Variants in DGKD observed in about 807,000 individuals in gnomAD.
The protein encoded by DGKD is diacylglycerol kinase delta, also known as DAG kinase delta.
In DGKD, 68 loss-of-function variants were observed where a neutral mutation model predicts 154.4. The ratio of observed to expected loss-of-function variants is 0.44; its 90% CI spans 0.36 to 0.54. The LOEUF is 0.54. Among genes scored for constraint, DGKD ranks in the 20% least tolerant of loss-of-function variants. The probability of loss-of-function intolerance (pLI) is 0.00; values close to 1 mark genes in which losing one functional copy is unlikely to be tolerated. For missense variants in DGKD, 1,343 were observed against 1,593.6 expected (o/e 0.84, Z 2.68); for synonymous variants, 693 against 638.0 (o/e 1.09, Z -1.30).
At position 233,388,244 on chromosome 2, in the gene DGKD, T is replaced by C; in HGVS notation, c.157-13T>C. 2 of 1,608,122 alleles carry C rather than the reference T, an allele frequency of 1.2e-6. No individual in the cohort carries two copies. The highest frequency in any genetic ancestry group is 1.3e-5 in the African/African-American group (1 of 74,638). ...GAAAACGCAAGTTTATGAATATGTT[T>C]CTGTACTTTCAGACCATCATCAAAG... On this transcript the variant is annotated splice_polypyrimidine_tract_variant and intron_variant, in intron 1 of 29. Transcript: ENST00000264057.
Position 233,450,014 on chromosome 2 carries a change from C to G in DGKD, c.1921C>G (p.Gln641Glu). The change falls in exon 16 of 30, where the codon CAG becomes GAG. Residue 641 changes from glutamine (Q) to glutamate (E), a missense_variant. Coordinates refer to ENST00000264057, the MANE Select transcript of DGKD (RefSeq NM_152879.3). ...VDEQNAQTQEQEGFVLGLSES... is the reference protein window; with the variant it reads ...VDEQNAQTQEEEGFVLGLSES... ...TGAGCAGAATGCCCAGACCCAGGAG[C>G]AGGAGGGCTTCGTCCTGGGCCTCTC... is the stretch of plus-strand genomic sequence containing the variant. The G allele has an allele frequency of 1.2e-6, 2 of 1,612,110 alleles. No individual in the cohort carries two copies. Among genetic ancestry groups the G allele is most frequent in the Non-Finnish European group, 1.7e-6 (2 of 1,178,886 alleles).
chr2:233,467,481 A>C (rs892457027), intron 28 of DGKD, among the ~76,000 whole-genome samples: 1 of 152,128 alleles, frequency 6.6e-6, no homozygotes, highest in Non-Finnish European at 1.5e-5. Context: ...AGACAGCAGT[A>C]GAGTGGTGAC....
At position 233,354,515 on chromosome 2, in the gene DGKD, C is replaced by A; in HGVS notation, c.-4C>A. The A allele has an allele frequency of 1.0e-6, 1 of 984,062 alleles. No individual in the cohort carries two copies. The highest frequency in any genetic ancestry group is 1.2e-6 in the Non-Finnish European group (1 of 830,954). 61.0% of individuals were successfully genotyped at this position (984,062 alleles called of 1,614,324 possible). A position where few individuals can be genotyped will look rare whatever the true frequency, so the allele number is the denominator to read the frequency against. ...GCCCGCGGTGCGCGCGCTGGCCCGGCAGCATGGCGGCGGCGGCGGGCGCCC... is the reference window on the plus strand; with the variant it reads ...GCCCGCGGTGCGCGCGCTGGCCCGGAAGCATGGCGGCGGCGGCGGGCGCCC... On this transcript the variant is annotated 5_prime_UTR_variant, in exon 1 of 30. Coordinates refer to ENST00000264057, the MANE Select transcript of DGKD (RefSeq NM_152879.3). This position sits in a 1 kb window ranked among gnomAD's most constrained non-coding sequence, Gnocchi z 4.8.
intron 3 of DGKD, among the ~76,000 whole-genome samples, chr2:233,424,728 A>G (rs1023226109): frequency 3.3e-5 from 5 of 152,202 alleles, no homozygotes; most frequent in African/African-American, 1.2e-4. Context: ...TGGGACTGTG[A>G]GCAGGCCCCT....
At chr2:233,451,181 A>T (rs2063277336) in intron 17 of DGKD, 131 bp downstream of exon 17, 104 of 817,824 alleles carry the variant, frequency 1.3e-4, no homozygotes, top group East Asian at 1.7e-4. Context: ...GAATTGAAAA[A>T]TTTACACGAC....
chr2:233,414,951 CT>C (rs2061924512), intron 3 of DGKD, among the ~76,000 whole-genome samples: 1 of 152,144 alleles, frequency 6.6e-6, no homozygotes, highest in Non-Finnish European at 1.5e-5. Flanking sequence ...AGGGCCCATT[CT>C]TTGTGTGTGT....
chr2:233,462,662 T>C lies in DGKD; in HGVS notation c.3113T>C (p.Val1038Ala), dbSNP rs1480087314. 14 of 1,614,014 alleles carry C rather than the reference T, an allele frequency of 8.7e-6. No individual in the cohort carries two copies. In the Admixed American group the frequency reaches 1.0e-4, roughly 12 times the overall value. Residue 1038 changes from valine to alanine, a missense_variant, in exon 26 of 30, where the codon GTC becomes GCC. Coordinates refer to ENST00000264057, the MANE Select transcript of DGKD (RefSeq NM_152879.3). ...TTCTAGGGGCTCAACTGCAGCTTCG[T>C]CCTGGAAATGGTGAATAACTTCAGA... ...RTTEGLNCSF[V>A]LEMVNNFRAL...
At chr2:233,409,791 T>A (rs1182106252) in intron 3 of DGKD, among the ~76,000 whole-genome samples, 1 of 23,320 alleles carries the variant, frequency 4.3e-5, no homozygotes, top group African/African-American at 1.3e-4. Flanking sequence ...CATACCGTTT[T>A]TTTTTTTTTT....
intron 3 of DGKD, among the ~76,000 whole-genome samples, chr2:233,391,183 CT>C (rs962723350): frequency 3.3e-5 from 5 of 149,428 alleles, no homozygotes; most frequent in Non-Finnish European, 6.0e-5. Flanking sequence ...TGGTGTATTT[CT>C]TTTTTTTTTC....
intron 1 of DGKD, among the ~76,000 whole-genome samples, chr2:233,358,984 A>G (rs972167256): frequency 2.0e-5 from 3 of 152,192 alleles, no homozygotes; most frequent in African/African-American, 7.2e-5. Flanking sequence ...CTGCCGTAAC[A>G]TTTTACATTC....
intron 18 of DGKD, among the ~76,000 whole-genome samples, chr2:233,453,185 G>A (rs115244373): frequency 6.6e-4 from 101 of 152,206 alleles, no homozygotes; most frequent in African/African-American, 2.4e-3. Flanking sequence ...TTTCACCTGG[G>A]GAGACAAAGC....
intron 1 of DGKD, among the ~76,000 whole-genome samples, chr2:233,382,751 A>G (rs1575008029): frequency 6.6e-6 from 1 of 152,134 alleles, no homozygotes; most frequent in Non-Finnish European, 1.5e-5. Flanking sequence ...TTCTATCCTT[A>G]TATTGATTAA....
intron 1 of DGKD, among the ~76,000 whole-genome samples, chr2:233,355,577 C>G (rs1225038801): frequency 6.6e-6 from 1 of 152,206 alleles, no homozygotes; most frequent in Non-Finnish European, 1.5e-5. Flanking sequence ...TTCAGCCGTT[C>G]CCTTCACCGT....
In DGKD at chr2:233,438,786, CTATCTATCTAT is replaced by C. The variant is rs2062795425; in HGVS notation, c.1085+408_1085+418del. On this transcript the variant is annotated intron_variant, in intron 9 of 29. Coordinates refer to ENST00000264057, the MANE Select transcript of DGKD (RefSeq NM_152879.3). The surrounding 1 kb of genome is among the most constrained non-coding windows in gnomAD (Gnocchi z 4.1). ...TCTATCTATCTATCTATCTATCTATCTATCTATCTATCTATCTATCTATCTATCTGTGGGTG... is the reference window on the plus strand; with the variant it reads ...TCTATCTATCTATCTATCTATCTATCCTATCTATCTATCTATCTGTGGGTG... 8.4e-6 allele frequency among the ~76,000 whole-genome samples: 1 copy of C among 119,680 alleles called. No homozygotes were observed. Among genetic ancestry groups the C allele is most frequent in the Non-Finnish European group, 1.8e-5 (1 of 56,074 alleles). The allele number at this position is 119,680 out of a possible 152,430, so 78.5% of individuals were successfully genotyped here. A position where few individuals can be genotyped will look rare whatever the true frequency, so the allele number is the denominator to read the frequency against.
rs1226572480 is a variant in DGKD, at chr2:233,452,010, C to T, written c.2214C>T (p.Ile738=). ...GTTCCTTACCCGGTGGCTCAGTCATCAGTCGCCTGTTAATTAATGCTGATC... is the reference window on the plus strand; with the variant it reads ...GTTCCTTACCCGGTGGCTCAGTCATTAGTCGCCTGTTAATTAATGCTGATC... ...MSGSLPGGSV[I]SRLLINADPF... Residue 738 remains isoleucine (I), a synonymous_variant, in exon 18 of 30, where the codon ATC becomes ATT. Coordinates refer to ENST00000264057, the MANE Select transcript of DGKD (RefSeq NM_152879.3). The surrounding 1 kb of genome is among the most constrained non-coding windows in gnomAD (Gnocchi z 4.0). The T allele has an allele frequency of 2.5e-6, 4 of 1,614,114 alleles. No homozygotes were observed. In the African/African-American group the frequency reaches 4.0e-5, roughly 16 times the overall value.
At chr2:233,468,688 G>A in intron 29 of DGKD, 135 bp downstream of exon 29, 1 of 1,386,906 alleles carries the variant, frequency 7.2e-7, no homozygotes, top group Non-Finnish European at 9.7e-7. Flanking sequence ...CCTCAGGTGG[G>A]GGCGGCTGTG....
intron 10 of DGKD, among the ~76,000 whole-genome samples, chr2:233,444,113 G>A (rs531350132): frequency 1.3e-5 from 2 of 152,188 alleles, no homozygotes; most frequent in East Asian, 3.9e-4. Flanking sequence ...CTGAGCCTTG[G>A]GCCTCTCTGG....
At chr2:233,455,797 C>T (rs1054789995) in intron 19 of DGKD, among the ~76,000 whole-genome samples, 4 of 152,202 alleles carry the variant, frequency 2.6e-5, no homozygotes, top group Non-Finnish European at 5.9e-5. Context: ...TTAGTCATTG[C>T]TCAGGTTACA....
chr2:233,429,679 T>G (rs1409189275), intron 3 of DGKD, among the ~76,000 whole-genome samples: 1 of 152,326 alleles, frequency 6.6e-6, no homozygotes, highest in Middle Eastern at 3.4e-3. Context: ...CCGGGGGGTG[T>G]CCTCTGGAGG....
Sources: allele counts gnomAD v4.1 joint callset (sites outside exome capture counted in the v4.1 genomes callset), GRCh38; gene constraint gnomAD v4.1.1; non-coding constraint Gnocchi (gnomAD v3.1); transcripts MANE v1.5; gene names NCBI Gene and HGNC (gene_info 2026-07-23, HGNC 2026-07-21).